PRKN: variants seen among roughly 807,000 people sequenced by gnomAD.
The protein encoded by PRKN is E3 ubiquitin-protein ligase parkin.
Under a neutral mutation model 59.5 loss-of-function variants are expected in PRKN, and 56 were observed. The observed-to-expected ratio is 0.94, with a 90% CI of 0.76 to 1.18. PRKN has a LOEUF of 1.18. Among genes scored for constraint, PRKN ranks in the 50% most tolerant of loss-of-function variants. The pLI, the probability that PRKN is intolerant of heterozygous loss-of-function variation, is 0.00. For missense variants in PRKN, 657 were observed against 596.4 expected (o/e 1.10, Z -1.06); for synonymous variants, 250 against 222.1 (o/e 1.13, Z -1.12).
chr6:162,036,622 C>G (rs1051284388), intron 5 of PRKN, among the ~76,000 whole-genome samples: 1 of 151,880 alleles, frequency 6.6e-6, no homozygotes, highest in African/African-American at 2.4e-5. Flanking sequence ...CTCCAGTGAT[C>G]CCCCTGCCTG....
chr6:162,408,993 C>T (rs1386506937), intron 2 of PRKN, among the ~76,000 whole-genome samples: 1 of 151,612 alleles, frequency 6.6e-6, no homozygotes, highest in Non-Finnish European at 1.5e-5. Context: ...CTGCCTCTCC[C>T]ACTCCCCCTG....
chr6:162,461,236 T>C (rs1791142831), intron 1 of PRKN, among the ~76,000 whole-genome samples: 1 of 151,326 alleles, frequency 6.6e-6, no homozygotes, highest in Non-Finnish European at 1.5e-5. Context: ...GTGTGGTGGC[T>C]CACGCCTGTA....
At chr6:162,096,219 A>T (rs957420729) in intron 4 of PRKN, among the ~76,000 whole-genome samples, 2 of 152,154 alleles carry the variant, frequency 1.3e-5, no homozygotes, top group Non-Finnish European at 2.9e-5. Flanking sequence ...GATGCACCCC[A>T]AACACCTTCT....
intron 4 of PRKN, among the ~76,000 whole-genome samples, chr6:162,098,182 T>C (rs1035475168): frequency 6.6e-6 from 1 of 152,200 alleles, no homozygotes; most frequent in African/African-American, 2.4e-5. Flanking sequence ...TTTCATTTTG[T>C]AAGAGTTGCT....
At chr6:161,916,090 C>T (rs897438454) in intron 6 of PRKN, among the ~76,000 whole-genome samples, 6 of 152,184 alleles carry the variant, frequency 3.9e-5, no homozygotes, top group Non-Finnish European at 7.3e-5. Context: ...ACATCCAGCT[C>T]AAACACTTGT....
At chr6:162,124,318 A>G (rs1781036007) in intron 4 of PRKN, among the ~76,000 whole-genome samples, 1 of 152,168 alleles carries the variant, frequency 6.6e-6, no homozygotes, top group South Asian at 2.1e-4. Flanking sequence ...TGTGTAATGA[A>G]TTCTCTACTT....
intron 4 of PRKN, among the ~76,000 whole-genome samples, chr6:162,196,278 A>G (rs552056549): frequency 6.6e-6 from 1 of 152,294 alleles, no homozygotes; most frequent in East Asian, 1.9e-4. Context: ...GCCCAGTCAA[A>G]ATAATTAAAA....
At chr6:161,716,057 G>C (rs1258592942) in intron 7 of PRKN, 3 of 1,290,974 alleles carry the variant, frequency 2.3e-6, no homozygotes, top group Non-Finnish European at 3.1e-6. Flanking sequence ...CCACCATGCT[G>C]TGCTGGGCCC....
chr6:162,114,969 A>G (rs1439572194), intron 4 of PRKN, among the ~76,000 whole-genome samples: 1 of 151,618 alleles, frequency 6.6e-6, no homozygotes, highest in Non-Finnish European at 1.5e-5. Context: ...TAGAAATACC[A>G]TTTGACCCAG....
intron 9 of PRKN, among the ~76,000 whole-genome samples, chr6:161,469,743 G>A (rs979100236): frequency 4.6e-5 from 7 of 152,156 alleles, no homozygotes; most frequent in East Asian, 1.9e-4. Flanking sequence ...GCAGCCCTGC[G>A]ACACCTTAAC....
chr6:161,797,355 C>G (rs1790894006), intron 6 of PRKN, among the ~76,000 whole-genome samples: 1 of 152,162 alleles, frequency 6.6e-6, no homozygotes, highest in Non-Finnish European at 1.5e-5. Flanking sequence ...CAACCTCTGC[C>G]TCCTGGGTTC....
At chr6:161,943,273 C>CA (rs922792957) in intron 6 of PRKN, among the ~76,000 whole-genome samples, 5 of 151,904 alleles carry the variant, frequency 3.3e-5, no homozygotes, top group Non-Finnish European at 5.9e-5. Context: ...TCAAATAAGA[C>CA]AAAAAAAATT....
At chr6:162,688,412 A>C (rs1777647267) in intron 1 of PRKN, among the ~76,000 whole-genome samples, 1 of 152,192 alleles carries the variant, frequency 6.6e-6, no homozygotes, top group African/African-American at 2.4e-5. Context: ...TCTACATGTA[A>C]GATTTGTACA....
chr6:162,186,723 G>A (rs1352850100), intron 4 of PRKN, among the ~76,000 whole-genome samples: 5 of 152,166 alleles, frequency 3.3e-5, no homozygotes, highest in Non-Finnish European at 7.3e-5. Flanking sequence ...GATGGTGAGT[G>A]AGCTTTCACA....
intron 7 of PRKN, among the ~76,000 whole-genome samples, chr6:161,628,291 G>A (rs760910124): frequency 6.6e-6 from 1 of 152,160 alleles, no homozygotes; most frequent in Non-Finnish European, 1.5e-5. Flanking sequence ...TATAAGCCAC[G>A]GAAATTTATT....
intron 1 of PRKN, among the ~76,000 whole-genome samples, chr6:162,719,716 T>C (rs61355959): frequency 0.24 from 37,022 of 151,946 alleles, 5,237 homozygotes; most frequent in African/African-American, 0.36. Context: ...CTCAGAAACA[T>C]TACAACCCAC....
At chr6:162,520,381 A>T (rs914459052) in intron 1 of PRKN, among the ~76,000 whole-genome samples, 2 of 152,326 alleles carry the variant, frequency 1.3e-5, no homozygotes, top group Non-Finnish European at 2.9e-5. Flanking sequence ...TTTAGCATTG[A>T]GATGAATTCA....
chr6:162,653,891 T>C (rs1215909578), intron 1 of PRKN, among the ~76,000 whole-genome samples: 3 of 152,206 alleles, frequency 2.0e-5, no homozygotes, highest in Non-Finnish European at 2.9e-5. Context: ...TCTTAGTATT[T>C]ATAAAACAAT....
intron 4 of PRKN, among the ~76,000 whole-genome samples, chr6:162,156,478 A>G (rs1466250275): frequency 6.6e-6 from 1 of 152,210 alleles, no homozygotes; most frequent in Non-Finnish European, 1.5e-5. Flanking sequence ...AGCCCCTGGC[A>G]AATCACAGAT....
Sources: gnomAD v4.1 joint callset for allele counts (sites outside exome capture counted in the v4.1 genomes callset) on GRCh38, gnomAD v4.1.1 for gene constraint, MANE v1.5 for transcripts, NCBI Gene and HGNC (gene_info 2026-07-23, HGNC 2026-07-21) for gene names.